Variants in CCDC142 observed in about 807,000 individuals in gnomAD.
The protein encoded by CCDC142 is coiled-coil domain containing 142.
Under a neutral mutation model 83.8 loss-of-function variants are expected in CCDC142, and 67 were observed. The observed-to-expected ratio is 0.80, with a 90% CI of 0.66 to 0.98. The LOEUF is 0.98. Among genes scored for constraint, CCDC142 ranks in the 50% least tolerant of loss-of-function variants. CCDC142 has a pLI of 0.00. For missense variants in CCDC142, 905 were observed against 946.8 expected, an observed-to-expected ratio of 0.96 and a Z score of 0.58; for synonymous variants, 421 against 421.2, an observed-to-expected ratio of 1.00 and a Z score of 0.01.
chr2:74,481,586 C>T (rs1672465909), intron 1 of CCDC142, 48 bp from the exon 2 acceptor site: 1 of 1,560,298 alleles, frequency 6.4e-7, no homozygotes, highest in African/African-American at 1.4e-5. Flanking sequence ...TCTCACTTTC[C>T]ACAACCCCTG....
rs1172559424 is a variant in CCDC142 at position 74,474,250 on chromosome 2, A to ATT, written c.*294_*295dup. 3.7e-4 allele frequency: 79 copies of ATT among 215,682 alleles called. No homozygotes were observed. The highest frequency in any genetic ancestry group is 1.9e-3 in the South Asian group (25 of 13,490). The allele number at this position is 215,682 out of a possible 1,614,324, so 13.4% of individuals were successfully genotyped here. ...AGGCACCCGCCACCACGCCCGGCTA[A>ATT]TTTTTTGTATTTTTAGTGGAAACAG... On this transcript the variant is annotated 3_prime_UTR_variant, in exon 9 of 9. Transcript: ENST00000393965.
intron 5 of CCDC142, among the ~76,000 whole-genome samples, chr2:74,476,306 G>A (rs1672325368): frequency 6.6e-6 from 1 of 152,088 alleles, no homozygotes. Context: ...CCAAGTAGGT[G>A]GGACTACAGG....
rs3806608 is a variant in CCDC142 at position 74,481,079 on chromosome 2, C to A, written c.1266G>T (p.Ala422=). ...RRIFCQPADP[A]PVALGLCTLQ... is the part of the protein sequence containing the mutation. ...GGGTACAGAGACCTAGGGCGACAGG[C>A]GCAGGATCTGGGGATTTGAGCAGCA... Residue 422 remains alanine, a synonymous_variant, in exon 4 of 9, where the codon GCG becomes GCT. Coordinates refer to ENST00000393965, the MANE Select transcript of CCDC142 (RefSeq NM_001365575.2). The A allele has an allele frequency of 6.2e-7, 1 of 1,612,308 alleles. No homozygotes were observed. The highest frequency in any genetic ancestry group is 1.7e-5 in the Admixed American group (1 of 60,008).
Position 74,480,794 on chromosome 2 carries a change from A to C in CCDC142, c.1478T>G (p.Ile493Ser). 8 of 1,613,426 alleles carry C rather than the reference A, an allele frequency of 5.0e-6. No individual in the cohort carries two copies. Among genetic ancestry groups the C allele is most frequent in the Non-Finnish European group, 6.8e-6 (8 of 1,179,518 alleles). The change falls in exon 5 of 9, where the codon ATC becomes AGC. Residue 493 changes from isoleucine to serine, a missense_variant. Physicochemically the swap from Ile to Ser is moderately radical, Grantham distance 142. Transcript: ENST00000393965. ...LEVEQQLGLE[I>S]QKLTAQIQLL... ...CTGGATCTGTGCAGTCAGCTTCTGG[A>C]TCTCCAGGCCCAGCTGCTGCTCCAC... is the stretch of plus-strand genomic sequence containing the variant.
intron 5 of CCDC142, among the ~76,000 whole-genome samples, chr2:74,476,508 A>G (rs966884602): frequency 2.0e-5 from 3 of 152,198 alleles, no homozygotes; most frequent in Non-Finnish European, 4.4e-5. Flanking sequence ...TATCACCTAC[A>G]AAAGGAAGAC....
Position 74,482,828 on chromosome 2 carries a change from C to T in CCDC142, c.10G>A (p.Ala4Thr), listed in dbSNP as rs575253942. The part of the protein sequence containing the change: MAQ[A>T]SRSGSLPPLV... ...GGAGGCAGGCTACCTGAGCGAGACG[C>T]CTGGGCCATGGGGCGGCGGGTCCAG... Residue 4 changes from alanine to threonine, a missense_variant, in exon 1 of 9, where the codon GCG becomes ACG. Transcript: ENST00000393965. The surrounding 1 kb of genome is among the most constrained non-coding windows in gnomAD (Gnocchi z 5.0). The T allele has an allele frequency of 6.3e-7, 1 of 1,598,866 alleles. No homozygotes were observed. The highest frequency in any genetic ancestry group is 1.3e-5 in the African/African-American group (1 of 75,064).
intron 5 of CCDC142, 21 bp from the exon 6 acceptor site, chr2:74,475,747 T>C (rs915573297): frequency 1.4e-6 from 2 of 1,448,168 alleles, no homozygotes; most frequent in African/African-American, 1.4e-5. Context: ...AGGGAGAAAG[T>C]AAAAGGGGCT....
intron 5 of CCDC142, among the ~76,000 whole-genome samples, chr2:74,477,992 A>T (rs1672362377): frequency 6.9e-6 from 1 of 145,976 alleles, no homozygotes; most frequent in Non-Finnish European, 1.5e-5. Context: ...TCTAATTAAA[A>T]AAAAAATATA....
chr2:74,476,080 CACACACACACACACACACACACAG>C (rs947461528), intron 5 of CCDC142, among the ~76,000 whole-genome samples: 11 of 149,286 alleles, frequency 7.4e-5, no homozygotes, highest in East Asian at 2.0e-4. Context: ...CACACACACA[CACACACACACACACACACACACAG>C]AGCATATGCC....
intron 5 of CCDC142, among the ~76,000 whole-genome samples, chr2:74,477,581 A>G (rs1332206626): frequency 6.6e-6 from 1 of 152,098 alleles, no homozygotes; most frequent in African/African-American, 2.4e-5. Context: ...TACCCCCACA[A>G]GGATCTACAA....
chr2:74,475,822 C>T, intron 5 of CCDC142, 96 bp from the exon 6 acceptor site: 1 of 756,984 alleles, frequency 1.3e-6, no homozygotes. Context: ...CCATAAAACC[C>T]CAGAATTGTT....
Position 74,475,418 on chromosome 2 carries a change from C to T in CCDC142, c.1619-16G>A, listed in dbSNP as rs1672301468. The T allele has an allele frequency of 6.4e-7, 1 of 1,562,546 alleles. No individual in the cohort carries two copies. Among genetic ancestry groups the T allele is most frequent in the Non-Finnish European group, 8.7e-7 (1 of 1,155,020 alleles). On this transcript the variant is annotated splice_polypyrimidine_tract_variant and intron_variant, in intron 6 of 8. Coordinates refer to ENST00000393965, the MANE Select transcript of CCDC142 (RefSeq NM_001365575.2). Reference sequence around the variant, plus strand: ...CTGGGAGGTTCTGGAATAGAGAAGACAGAATATAAGGCTGTGGAGATCCAT... The same window carrying T: ...CTGGGAGGTTCTGGAATAGAGAAGATAGAATATAAGGCTGTGGAGATCCAT...
At position 74,480,823 on chromosome 2, in the gene CCDC142, C is replaced by T; in HGVS notation, c.1449G>A (p.Leu483=). 1 of 1,613,898 alleles carries T rather than the reference C, an allele frequency of 6.2e-7. No homozygotes were observed. The highest frequency in any genetic ancestry group is 8.5e-7 in the Non-Finnish European group (1 of 1,179,828). ...CCAGGCCCAGCTGCTGCTCCACTTC[C>T]AGAGCTAAGCTTTCCTCTGAGGCCA... ...YSLASEESLA[L]EVEQQLGLEI... is the part of the protein sequence containing the mutation. Residue 483 remains leucine (L), a synonymous_variant, in exon 5 of 9, where the codon CTG becomes CTA. Transcript: ENST00000393965.
Position 74,482,171 on chromosome 2 carries a change from C to T in CCDC142, c.667G>A (p.Val223Ile). 6.2e-7 allele frequency: 1 copy of T among 1,613,720 alleles called. No homozygotes were observed. The highest frequency in any genetic ancestry group is 1.3e-5 in the African/African-American group (1 of 75,060). ...GGGAAAGGACGTGCGGCCCCTGGGA[C>T]GTGGCTCAAGGCTTTTCTCTGTAGT... ...HTLQRKALSH[V>I]PGAARPFPTS... The change falls in exon 1 of 9, where the codon GTC (valine) becomes ATC (isoleucine). Residue 223 changes from valine to isoleucine, a missense_variant. This residue lies in a region of CCDC142 where 591 missense variants were observed against 571.4 expected (regional missense o/e 1.03). Transcript: ENST00000393965. This position sits in a 1 kb window ranked among gnomAD's most constrained non-coding sequence, Gnocchi z 5.0.
chr2:74,480,969 T>A lies in CCDC142; in HGVS notation c.1376A>T (p.Gln459Leu), dbSNP rs1340300354. The A allele has an allele frequency of 1.9e-6, 3 of 1,613,996 alleles. No individual in the cohort carries two copies. The African/African-American group carries it at 4.0e-5, about 22-fold the overall frequency. The part of the protein sequence containing the change: ...WDPASFLLLI[Q>L]KDLPPLLHEA... ...CCAGCCACTCACAGGTAAGTCCTTT[T>A]GGATCAGGAGCAGGAAGGAAGCTGG... The change falls in exon 4 of 9, where the codon CAA (glutamine) becomes CTA (leucine). Residue 459 changes from glutamine to leucine, a missense_variant. Gln to Leu is a moderately radical substitution (Grantham distance 113). Around this residue, in one of 3 missense-constraint regions of CCDC142, gnomAD observed 49 missense variants for 86.4 expected, o/e 0.57. Transcript: ENST00000393965.
rs577187366 is a variant in CCDC142, at chr2:74,482,945, G to T, written c.-108C>A. ...TCGCAAGAGCCGTTTTCTCCAGTCC[G>T]GGAGTCGCGGGGACCTTCATGGACT... On this transcript the variant is annotated 5_prime_UTR_variant, in exon 1 of 9. Transcript: ENST00000393965. This position sits in a 1 kb window ranked among gnomAD's most constrained non-coding sequence, Gnocchi z 5.0. The T allele has an allele frequency of 5.8e-6, 9 of 1,550,300 alleles. No individual in the cohort carries two copies. The African/African-American group carries it at 1.1e-4, about 19-fold the overall frequency.
rs1041495648 is a variant in CCDC142 at position 74,474,437 on chromosome 2, T to C, written c.*109A>G. The C allele has an allele frequency of 3.0e-6, 4 of 1,353,442 alleles. No individual in the cohort carries two copies. The Admixed American group carries it at 9.9e-5, about 34-fold the overall frequency. 83.8% of individuals were successfully genotyped at this position (1,353,442 alleles called of 1,614,324 possible). On this transcript the variant is annotated 3_prime_UTR_variant, in exon 9 of 9. Transcript: ENST00000393965. Reference sequence around the variant, plus strand: ...TTGTAGCTTATTCTCCAGTATGCTTTCCTCCAAGCTTCCAGTTCTGGGCTT... The same window carrying C: ...TTGTAGCTTATTCTCCAGTATGCTTCCCTCCAAGCTTCCAGTTCTGGGCTT...
At chr2:74,478,796 G>T (rs1316292755) in intron 5 of CCDC142, among the ~76,000 whole-genome samples, 1 of 151,610 alleles carries the variant, frequency 6.6e-6, no homozygotes, top group African/African-American at 2.4e-5. Context: ...GGAGGCTGAG[G>T]TGGGTGGATC....
rs1558574547 is a variant in CCDC142, at chr2:74,481,298, AAAGTTC to A, written c.1177_1182del (p.Glu393_Leu394del). 1.2e-6 allele frequency: 2 copies of A among 1,614,112 alleles called. No individual in the cohort carries two copies. The highest frequency in any genetic ancestry group is 3.3e-5 in the Admixed American group (2 of 60,022). On this transcript the variant is annotated inframe_deletion, in exon 3 of 9. Coordinates refer to ENST00000393965, the MANE Select transcript of CCDC142 (RefSeq NM_001365575.2). ...AAGAGAGGAGGAAAGAGCTGCTGCAAAAGTTCAGCAGTGCCAGAGGATGTGGGAAGG... is the reference window on the plus strand; with the variant it reads ...AAGAGAGGAGGAAAGAGCTGCTGCAAAGCAGTGCCAGAGGATGTGGGAAGG...
Sources: allele counts gnomAD v4.1 joint callset (sites outside exome capture counted in the v4.1 genomes callset), GRCh38; gene constraint gnomAD v4.1.1; regional missense constraint gnomAD v4.1.1; non-coding constraint Gnocchi (gnomAD v3.1); transcripts MANE v1.5; gene names NCBI Gene and HGNC (gene_info 2026-07-23, HGNC 2026-07-21).